GPM6A: variants seen among roughly 807,000 people sequenced by gnomAD.
The protein encoded by GPM6A is neuronal membrane glycoprotein M6-a.
GPM6A carries 7 observed loss-of-function variants against 32.1 expected under a neutral mutation model. The ratio of observed to expected loss-of-function variants is 0.22; its 90% CI spans 0.12 to 0.41. The LOEUF is 0.41. Ranked by LOEUF, GPM6A falls within the 10% of genes least tolerant of loss-of-function variation. The probability of loss-of-function intolerance (pLI) is 1.00; values close to 1 mark genes in which losing one functional copy is unlikely to be tolerated. For missense variants in GPM6A, 235 were observed against 347.2 expected, an observed-to-expected ratio of 0.68 and a Z score of 2.57; for synonymous variants, 130 against 123.4, an observed-to-expected ratio of 1.05 and a Z score of -0.35.
At chr4:175,745,443 C>T (rs899732640) in intron 1 of GPM6A, among the ~76,000 whole-genome samples, 1 of 152,140 alleles carries the variant, frequency 6.6e-6, no homozygotes, top group African/African-American at 2.4e-5. Flanking sequence ...AAAACATGAG[C>T]TTTGTTCTGT....
intron 1 of GPM6A, among the ~76,000 whole-genome samples, chr4:175,759,127 C>CT (rs1224605185): frequency 6.6e-6 from 1 of 152,162 alleles, no homozygotes; most frequent in Non-Finnish European, 1.5e-5. Context: ...TACAGATGCT[C>CT]TTGAAGGCAT....
At chr4:175,901,628 C>CTT (rs59461626) in intron 1 of GPM6A, among the ~76,000 whole-genome samples, 1,772 of 126,300 alleles carry the variant, frequency 0.014, 27 homozygotes, top group African/African-American at 0.033. Context: ...TTTTCTTTTT[C>CTT]TTTTTTTTTT....
At chr4:175,887,810 C>A (rs976796797) in intron 1 of GPM6A, among the ~76,000 whole-genome samples, 1 of 151,684 alleles carries the variant, frequency 6.6e-6, no homozygotes, top group Non-Finnish European at 1.5e-5. Context: ...AAATAGCAAG[C>A]CTGAACTGCA....
chr4:175,921,272 T>C (rs1394569424), intron 1 of GPM6A, among the ~76,000 whole-genome samples: 2 of 152,182 alleles, frequency 1.3e-5, no homozygotes, highest in African/African-American at 4.8e-5. Context: ...AATCTTCAAT[T>C]ATCTAATCTC....
At chr4:175,702,188 T>C (rs1744918115) in intron 1 of GPM6A, among the ~76,000 whole-genome samples, 2 of 152,224 alleles carry the variant, frequency 1.3e-5, no homozygotes, top group South Asian at 2.1e-4. Context: ...GTAACAGATA[T>C]TTTTATTGAT....
chr4:175,827,476 A>G (rs1735474795), intron 1 of GPM6A, among the ~76,000 whole-genome samples: 1 of 152,226 alleles, frequency 6.6e-6, no homozygotes, highest in African/African-American at 2.4e-5. Context: ...AACAGCTAGT[A>G]AACGGCAGAG....
At chr4:175,872,583 TA>T in intron 1 of GPM6A, 1 of 152,342 alleles carries the variant, frequency 6.6e-6, no homozygotes, top group South Asian at 2.1e-4. Flanking sequence ...AGAAACATTA[TA>T]AATTCCTTTG....
At chr4:175,820,562 G>A (rs1735246987) in intron 1 of GPM6A, among the ~76,000 whole-genome samples, 1 of 138,604 alleles carries the variant, frequency 7.2e-6, no homozygotes, top group Non-Finnish European at 1.5e-5. Context: ...GTGCAGTGGT[G>A]CAATCTCTGC....
intron 1 of GPM6A, among the ~76,000 whole-genome samples, chr4:175,790,977 G>A (rs959306547): frequency 6.6e-6 from 1 of 152,064 alleles, no homozygotes; most frequent in African/African-American, 2.4e-5. Context: ...CTTTAATGGG[G>A]AGTGGTTGTG....
chr4:175,648,446 A>G (rs994403302), intron 4 of GPM6A, among the ~76,000 whole-genome samples: 1 of 152,174 alleles, frequency 6.6e-6, no homozygotes, highest in African/African-American at 2.4e-5. Context: ...TGATCAAGTA[A>G]ATGTAGGAGA....
chr4:175,754,556 C>T (rs1164863708), intron 1 of GPM6A, among the ~76,000 whole-genome samples: 2 of 152,104 alleles, frequency 1.3e-5, no homozygotes, highest in Non-Finnish European at 2.9e-5. Flanking sequence ...GAATAGTAAT[C>T]CCAAAATGCT....
intron 1 of GPM6A, among the ~76,000 whole-genome samples, chr4:175,946,348 C>T (rs1739605785): frequency 6.6e-6 from 1 of 152,170 alleles, no homozygotes; most frequent in African/African-American, 2.4e-5. Context: ...CAACCAATAT[C>T]AAGCACCTGC....
At chr4:175,799,671 C>CTTTCTTTTTTT (rs1734385074) in intron 1 of GPM6A, among the ~76,000 whole-genome samples, 1 of 122,098 alleles carries the variant, frequency 8.2e-6, no homozygotes, top group Non-Finnish European at 1.7e-5. Flanking sequence ...CAAGTGTTTT[C>CTTTCTTTTTTT]TTTTTTTTTT....
At chr4:175,783,499 A>T (rs1197769563) in intron 1 of GPM6A, among the ~76,000 whole-genome samples, 2 of 151,922 alleles carry the variant, frequency 1.3e-5, no homozygotes, top group Non-Finnish European at 1.5e-5. Context: ...AACAATGCAA[A>T]ATTTTCAAAG....
intron 4 of GPM6A, among the ~76,000 whole-genome samples, chr4:175,647,382 A>T (rs565660913): frequency 1.1e-4 from 16 of 152,258 alleles, no homozygotes; most frequent in African/African-American, 3.9e-4. Flanking sequence ...TTGGAGGATA[A>T]CAGAAATCAT....
intron 1 of GPM6A, among the ~76,000 whole-genome samples, chr4:175,808,187 A>G (rs922801159): frequency 6.6e-6 from 1 of 152,168 alleles, no homozygotes; most frequent in African/African-American, 2.4e-5. Context: ...ATAATCTTAC[A>G]CACACAAAAA....
intron 3 of GPM6A, among the ~76,000 whole-genome samples, chr4:175,672,528 T>G (rs868533614): frequency 4.6e-5 from 7 of 152,178 alleles, no homozygotes; most frequent in South Asian, 2.1e-4. Context: ...TCACTGAAAA[T>G]TGGACCACAA....
chr4:175,720,399 A>G (rs1746056988), intron 1 of GPM6A, among the ~76,000 whole-genome samples: 1 of 152,190 alleles, frequency 6.6e-6, no homozygotes, highest in African/African-American at 2.4e-5. Context: ...CTGTGAAGTG[A>G]AAATAAGAAT....
intron 1 of GPM6A, among the ~76,000 whole-genome samples, chr4:175,976,010 T>C (rs1740645445): frequency 6.6e-6 from 1 of 152,172 alleles, no homozygotes; most frequent in Non-Finnish European, 1.5e-5. Flanking sequence ...GCTATTTGTG[T>C]TTGAAAATTC....
Sources: gnomAD v4.1 joint callset for allele counts (sites outside exome capture counted in the v4.1 genomes callset) on GRCh38, gnomAD v4.1.1 for gene constraint, MANE v1.5 for transcripts, NCBI Gene and HGNC (gene_info 2026-07-23, HGNC 2026-07-21) for gene names.